Variants in B4GALNT1 observed in about 807,000 individuals in gnomAD.
B4GALNT1 encodes the protein beta-1,4-N-acetyl-galactosaminyltransferase 1, also known as beta-1,4 N-acetylgalactosaminyltransferase 1.
A neutral mutation model predicts 55.2 loss-of-function variants in B4GALNT1; 43 were observed. That is an observed-to-expected ratio of 0.78 (90% CI 0.61 to 1.00). B4GALNT1 has a LOEUF of 1.00. Among genes scored for constraint, B4GALNT1 ranks in the 50% least tolerant of loss-of-function variants. The pLI, the probability that B4GALNT1 is intolerant of heterozygous loss-of-function variation, is 0.00. For synonymous variants in B4GALNT1, 305 were observed against 311.6 expected (o/e 0.98, Z 0.22); for missense variants, 664 against 729.7 (o/e 0.91, Z 1.04).
Position 57,623,853 on chromosome 12 carries a change from CT to C in B4GALNT1, c.*2890del. On this transcript the variant is annotated 3_prime_UTR_variant, in exon 11 of 11. Transcript: ENST00000341156. Reference sequence around the variant, plus strand: ...TTCTCTAGCTGGCAGGCCTCTTCTCCTGCACAGTGGTCCTGTCGGTGCTGCT... The same window carrying C: ...TTCTCTAGCTGGCAGGCCTCTTCTCCGCACAGTGGTCCTGTCGGTGCTGCT... The C allele has an allele frequency of 1.2e-6, 2 of 1,614,044 alleles. No individual in the cohort carries two copies. Among genetic ancestry groups the C allele is most frequent in the Non-Finnish European group, 1.7e-6 (2 of 1,179,992 alleles).
In B4GALNT1 at chr12:57,631,319, G is replaced by C. The variant is rs1448086857; in HGVS notation, c.264C>G (p.Gly88=). 6.8e-6 allele frequency: 11 copies of C among 1,612,024 alleles called. No homozygotes were observed. The highest frequency in any genetic ancestry group is 1.1e-5 in the South Asian group (1 of 91,030). Residue 88 remains glycine, a synonymous_variant, in exon 3 of 11, where the codon GGC becomes GGG. Transcript: ENST00000341156. ...NNCSCESSGG[G]LPLPFQKQVR... ...CTTGTTTCTGGAAGGGGAGGGGGAG[G>C]CCCCCCCCACTGGACTCACAACTGC...
Position 57,625,889 on chromosome 12 carries a change from GA to G in B4GALNT1, c.*854del. 1.1e-6 allele frequency: 1 copy of G among 927,794 alleles called. No homozygotes were observed. Among genetic ancestry groups the G allele is most frequent in the Non-Finnish European group, 1.5e-6 (1 of 673,710 alleles). The allele number at this position is 927,794 out of a possible 1,614,324, so 57.5% of individuals were successfully genotyped here. ...CGGGCTGAGCTATGGGTGAGGAACT[GA>G]AGAACTCAGATCCCTAAGTAGGTGG... On this transcript the variant is annotated 3_prime_UTR_variant, in exon 11 of 11. Coordinates refer to ENST00000341156, the MANE Select transcript of B4GALNT1 (RefSeq NM_001478.5).
At position 57,629,058 on chromosome 12, in the gene B4GALNT1, T is replaced by C. The variant is rs1330030820; in HGVS notation, c.801A>G (p.Leu267=). 1 of 1,586,076 alleles carries C rather than the reference T, an allele frequency of 6.3e-7. No individual in the cohort carries two copies. The highest frequency in any genetic ancestry group is 8.6e-7 in the Non-Finnish European group (1 of 1,161,718). ...CCCTACCAGCCTCACCTCCCTGGGG[T>C]AGAGACCCAGGTGGGTACAGCCGAG... is the stretch of plus-strand genomic sequence containing the variant. ...PNPRLYPPGS[L]PQGAQYNISA... is the part of the protein sequence containing the mutation. The change falls in exon 7 of 11, where the codon CTA becomes CTG. Residue 267 remains leucine, a synonymous_variant. Transcript: ENST00000341156.
In B4GALNT1 at chr12:57,631,259, A is replaced by C. The variant is rs1388035040; in HGVS notation, c.324T>G (p.Pro108=). 6 of 1,614,052 alleles carry C rather than the reference A, an allele frequency of 3.7e-6. No individual in the cohort carries two copies. The Admixed American group carries it at 8.3e-5, about 22-fold the overall frequency. ...TGGCAGAGGCAGCCCTCAGCTCTGCAGGGTCAAAGGCCTTGGTGAGGTCAA... is the reference window on the plus strand; with the variant it reads ...TGGCAGAGGCAGCCCTCAGCTCTGCCGGGTCAAAGGCCTTGGTGAGGTCAA... ...RAIDLTKAFD[P]AELRAASATR... Residue 108 remains proline (P), a synonymous_variant, in exon 3 of 11, where the codon CCT becomes CCG. Transcript: ENST00000341156.
rs140781730 is a variant in B4GALNT1, at chr12:57,625,273, T to C, written c.*1471A>G. On this transcript the variant is annotated 3_prime_UTR_variant, in exon 11 of 11. Transcript: ENST00000341156. ...TCAGGGTGGTGGTCCTAGACTTCAG[T>C]GGTGTCACCTTTGCAGATGCTGCTG... is the stretch of plus-strand genomic sequence containing the variant. 1.1e-4 allele frequency: 185 copies of C among 1,614,070 alleles called. No homozygotes were observed. The African/African-American group carries it at 2.2e-3, about 19-fold the overall frequency.
Position 57,624,639 on chromosome 12 carries a change from G to A in B4GALNT1, c.*2105C>T, listed in dbSNP as rs750411220. ...TAGAGATGAGTGGAGTTGAGGTCGG[G>A]GCAGGGGAAGAGAATGAGGTGCTTG... On this transcript the variant is annotated 3_prime_UTR_variant, in exon 11 of 11. Transcript: ENST00000341156. The A allele has an allele frequency of 8.3e-6, 6 of 718,678 alleles. No homozygotes were observed. The highest frequency in any genetic ancestry group is 2.7e-5 in the East Asian group (1 of 37,202). The allele number at this position is 718,678 out of a possible 1,614,324, so 44.5% of individuals were successfully genotyped here. A position where few individuals can be genotyped will look rare whatever the true frequency, so the allele number is the denominator to read the frequency against.
In B4GALNT1 at chr12:57,624,210, T is replaced by G; in HGVS notation, c.*2534A>C. ...GTCTTAAGTTCTGCAACCCACCCACTCCCCCAGCAAACATAACTCCTAGTA... is the reference window on the plus strand; with the variant it reads ...GTCTTAAGTTCTGCAACCCACCCACGCCCCCAGCAAACATAACTCCTAGTA... On this transcript the variant is annotated 3_prime_UTR_variant, in exon 11 of 11. Coordinates refer to ENST00000341156, the MANE Select transcript of B4GALNT1 (RefSeq NM_001478.5). 1.0e-6 allele frequency: 1 copy of G among 976,870 alleles called. No individual in the cohort carries two copies. Among genetic ancestry groups the G allele is most frequent in the Non-Finnish European group, 1.5e-6 (1 of 645,346 alleles). 60.5% of individuals were successfully genotyped at this position (976,870 alleles called of 1,614,324 possible). A position where few individuals can be genotyped will look rare whatever the true frequency, so the allele number is the denominator to read the frequency against.
chr12:57,630,006 G>C (rs1467339947), intron 6 of B4GALNT1, 146 bp downstream of exon 6: 1 of 1,552,888 alleles, frequency 6.4e-7, no homozygotes, highest in South Asian at 1.2e-5. Context: ...TGGCCCTGCT[G>C]GTCCAGTTGA....
Position 57,623,976 on chromosome 12 carries a change from T to A in B4GALNT1, c.*2768A>T, listed in dbSNP as rs761814292. ...GTAGCTGTATTCCAGGACATCGAGG[T>A]AGTCAGCCCACCTCCTCTGCCTCAA... On this transcript the variant is annotated 3_prime_UTR_variant, in exon 11 of 11. Coordinates refer to ENST00000341156, the MANE Select transcript of B4GALNT1 (RefSeq NM_001478.5). 6.2e-7 allele frequency: 1 copy of A among 1,612,002 alleles called. No homozygotes were observed. The highest frequency in any genetic ancestry group is 8.5e-7 in the Non-Finnish European group (1 of 1,178,852).
At chr12:57,631,179 G>C (rs1485460507) in intron 3 of B4GALNT1, 21 bp downstream of exon 3, 4 of 1,613,888 alleles carry the variant, frequency 2.5e-6, no homozygotes, top group Non-Finnish European at 3.4e-6. Context: ...GAGGAGTCAT[G>C]CGCTTCTTTC....
Position 57,627,815 on chromosome 12 carries a change from T to A in B4GALNT1, c.1187A>T (p.Tyr396Phe). ...GGGCTCCACGCTCAGCAGCTGCCGATAAGTGGTGGCAAAGCCGGAGATCTC... is the reference window on the plus strand; with the variant it reads ...GGGCTCCACGCTCAGCAGCTGCCGAAAAGTGGTGGCAAAGCCGGAGATCTC... ...VREISGFATT[Y>F]RQLLSVEPGA... The change falls in exon 10 of 11, where the codon TAT becomes TTT. Residue 396 changes from tyrosine (Y) to phenylalanine (F), a missense_variant. Tyr to Phe is a conservative substitution (Grantham distance 22). Coordinates refer to ENST00000341156, the MANE Select transcript of B4GALNT1 (RefSeq NM_001478.5). The A allele has an allele frequency of 6.3e-7, 1 of 1,594,314 alleles. No homozygotes were observed. Among genetic ancestry groups the A allele is most frequent in the Non-Finnish European group, 8.6e-7 (1 of 1,168,794 alleles).
In B4GALNT1 at chr12:57,623,988, C is replaced by G. The variant is rs773371585; in HGVS notation, c.*2756G>C. 1.2e-6 allele frequency: 2 copies of G among 1,611,556 alleles called. No individual in the cohort carries two copies. Among genetic ancestry groups the G allele is most frequent in the Non-Finnish European group, 1.7e-6 (2 of 1,178,550 alleles). ...CAGGACATCGAGGTAGTCAGCCCACCTCCTCTGCCTCAAGGCTGTCCTGGC... is the reference window on the plus strand; with the variant it reads ...CAGGACATCGAGGTAGTCAGCCCACGTCCTCTGCCTCAAGGCTGTCCTGGC... On this transcript the variant is annotated 3_prime_UTR_variant, in exon 11 of 11. Transcript: ENST00000341156.
At chr12:57,632,476 G>A in intron 1 of B4GALNT1, 4 of 400,690 alleles carry the variant, frequency 1.0e-5, no homozygotes, top group South Asian at 9.3e-5. Flanking sequence ...TCAGGGCAGT[G>A]GCAGTCCCCA....
At chr12:57,630,912 C>T in intron 4 of B4GALNT1, 68 bp downstream of exon 4, 1 of 1,441,094 alleles carries the variant, frequency 6.9e-7, no homozygotes, top group South Asian at 1.2e-5. Context: ...CCCATTCTTC[C>T]CCACCCAACC....
chr12:57,625,172 A>G lies in B4GALNT1; in HGVS notation c.*1572T>C, dbSNP rs1472586029. ...ATGGTTGCAGGTGAGATGGGGTGACAAGAAGGAAGATTTGGGCATGTTGCA... is the reference window on the plus strand; with the variant it reads ...ATGGTTGCAGGTGAGATGGGGTGACGAGAAGGAAGATTTGGGCATGTTGCA... On this transcript the variant is annotated 3_prime_UTR_variant, in exon 11 of 11. Transcript: ENST00000341156. 2 of 1,613,926 alleles carry G rather than the reference A, an allele frequency of 1.2e-6. No homozygotes were observed. Among genetic ancestry groups the G allele is most frequent in the East Asian group, 4.5e-5 (2 of 44,886 alleles).
Position 57,630,139 on chromosome 12 carries a change from C to G in B4GALNT1, c.712+13G>C. 6.2e-7 allele frequency: 1 copy of G among 1,614,222 alleles called. No individual in the cohort carries two copies. The highest frequency in any genetic ancestry group is 8.5e-7 in the Non-Finnish European group (1 of 1,180,034). On this transcript the variant is annotated intron_variant, in intron 6 of 10. Coordinates refer to ENST00000341156, the MANE Select transcript of B4GALNT1 (RefSeq NM_001478.5). ...TTGCCCAGCCTGCCCGTCTCTCCAC[C>G]CAGGCCTTGCACCTGTGTCTGCTGT...
At chr12:57,631,455 C>T in intron 2 of B4GALNT1, 91 bp from the exon 3 acceptor site, 1 of 1,435,402 alleles carries the variant, frequency 7.0e-7, no homozygotes, top group Non-Finnish European at 9.6e-7. Flanking sequence ...ACACCTTGGC[C>T]CTGCAATTCT....
At chr12:57,629,942 G>A in intron 6 of B4GALNT1, 1 of 1,536,388 alleles carries the variant, frequency 6.5e-7, no homozygotes, top group South Asian at 1.2e-5. Context: ...CAAGGCTCGG[G>A]TTTCCCTCTG....
rs1885178035 is a variant in B4GALNT1 at position 57,631,126 on chromosome 12, G to A, written c.384-40C>T. On this transcript the variant is annotated intron_variant, in intron 3 of 10. Transcript: ENST00000341156. Reference sequence around the variant, plus strand: ...AGGAGAGGACAGAGCAGAGTCGGGGGGAGAGGGTCTCTCCCTCCCGGCACA... The same window carrying A: ...AGGAGAGGACAGAGCAGAGTCGGGGAGAGAGGGTCTCTCCCTCCCGGCACA... 3 of 1,608,514 alleles carry A rather than the reference G, an allele frequency of 1.9e-6. No homozygotes were observed. The African/African-American group carries it at 4.0e-5, about 21-fold the overall frequency.
Sources: allele counts gnomAD v4.1 joint callset, GRCh38; gene constraint gnomAD v4.1.1; transcripts MANE v1.5; gene names NCBI Gene and HGNC (gene_info 2026-07-23, HGNC 2026-07-21).